Variants in BAG3 observed in about 807,000 individuals in gnomAD.
BAG3 encodes BAG cochaperone 3, also known as BAG family molecular chaperone regulator 3.
Under a neutral mutation model 40.5 loss-of-function variants are expected in BAG3, and 14 were observed. That is an observed-to-expected ratio of 0.35 (90% CI 0.23 to 0.54). The LOEUF (loss-of-function observed/expected upper bound fraction) is 0.54. Ranked by LOEUF, BAG3 falls within the 20% of genes least tolerant of loss-of-function variation. BAG3 has a pLI of 0.91. For synonymous variants in BAG3, 302 were observed against 307.8 expected (o/e 0.98, Z 0.20); for missense variants, 788 against 758.6 (o/e 1.04, Z -0.46).
At chr10:119,659,416 G>A (rs756941212) in intron 1 of BAG3, among the ~76,000 whole-genome samples, 4 of 152,174 alleles carry the variant, frequency 2.6e-5, no homozygotes, top group Non-Finnish European at 5.9e-5. Context: ...CTGAGGGGCC[G>A]ATTACCTGCA....
At chr10:119,662,825 C>T (rs1225583878) in intron 1 of BAG3, among the ~76,000 whole-genome samples, 1 of 152,072 alleles carries the variant, frequency 6.6e-6, no homozygotes, top group Non-Finnish European at 1.5e-5. Flanking sequence ...CCATCCTGGC[C>T]AATATAGTGA....
intron 1 of BAG3, among the ~76,000 whole-genome samples, chr10:119,652,388 T>C (rs1846855466): frequency 6.6e-6 from 1 of 152,258 alleles, no homozygotes; most frequent in Non-Finnish European, 1.5e-5. Flanking sequence ...GTATCTTGGC[T>C]ACTGTCCCAT....
Position 119,651,395 on chromosome 10 carries a change from C to T in BAG3, c.-281C>T. ...GCGGAGCTCCGCATCCAACCCCGGG[C>T]CGCGGCCAACTTCTCTGGACTGGAC... On this transcript the variant is annotated 5_prime_UTR_variant, in exon 1 of 4. Transcript: ENST00000369085. The T allele has an allele frequency of 3.0e-6, 1 of 332,094 alleles. No individual in the cohort carries two copies. The highest frequency in any genetic ancestry group is 5.4e-6 in the Non-Finnish European group (1 of 184,812). The allele number at this position is 332,094 out of a possible 1,614,324, so 20.6% of individuals were successfully genotyped here.
intron 1 of BAG3, among the ~76,000 whole-genome samples, chr10:119,653,149 G>C (rs1191707864): frequency 6.6e-6 from 1 of 152,202 alleles, no homozygotes; most frequent in Non-Finnish European, 1.5e-5. Context: ...CCGGTGCCCA[G>C]CAGTGAGACC....
chr10:119,664,456 A>G (rs769587519), intron 1 of BAG3, among the ~76,000 whole-genome samples: 1 of 152,170 alleles, frequency 6.6e-6, no homozygotes, highest in Non-Finnish European at 1.5e-5. Context: ...CTTCTTTCCT[A>G]ATTGGATTTT....
Position 119,672,416 on chromosome 10 carries a change from C to T in BAG3, c.669C>T (p.Pro223=), listed in dbSNP as rs747871034. 1 of 1,614,218 alleles carries T rather than the reference C, an allele frequency of 6.2e-7. No individual in the cohort carries two copies. Among genetic ancestry groups the T allele is most frequent in the Non-Finnish European group, 8.5e-7 (1 of 1,180,038 alleles). Residue 223 remains proline (P), a synonymous_variant, in exon 3 of 4, where the codon CCC becomes CCT. Coordinates refer to ENST00000369085, the MANE Select transcript of BAG3 (RefSeq NM_004281.4). The surrounding 1 kb of genome is among the most constrained non-coding windows in gnomAD (Gnocchi z 4.8). ...ACGTTACCCGGCCAGCAGCCCAGCC[C>T]TCCTTCCACCAAGCCCAGAAGACGC... ...EQNVTRPAAQ[P]SFHQAQKTHY...
At chr10:119,659,599 G>A (rs780548060) in intron 1 of BAG3, among the ~76,000 whole-genome samples, 12 of 152,206 alleles carry the variant, frequency 7.9e-5, no homozygotes, top group East Asian at 3.9e-4. Context: ...GGGTCTCACC[G>A]TCCATCAGAG....
chr10:119,664,979 T>TAA (rs1847038562), intron 1 of BAG3, among the ~76,000 whole-genome samples: 1 of 151,800 alleles, frequency 6.6e-6, no homozygotes, highest in Non-Finnish European at 1.5e-5. Flanking sequence ...AGTGCAATGG[T>TAA]GTGATCTTAG....
At position 119,672,256 on chromosome 10, in the gene BAG3, G is replaced by C. The variant is rs140904592; in HGVS notation, c.509G>C (p.Arg170Pro). 1 of 1,612,812 alleles carries C rather than the reference G, an allele frequency of 6.2e-7. No homozygotes were observed. The highest frequency in any genetic ancestry group is 1.3e-5 in the African/African-American group (1 of 74,910). Reference sequence around the variant, plus strand: ...CCCTCTACCCTGTGTCTCTTGCAGCGGTCCCAGTCTCCAGCTGCCTCTGAC... The same window carrying C: ...CCCTCTACCCTGTGTCTCTTGCAGCCGTCCCAGTCTCCAGCTGCCTCTGAC... ...AQPPASHGPE[R>P]SQSPAASDCS... is the part of the protein sequence containing the mutation. The change falls in exon 3 of 4, where the codon CGG becomes CCG. Residue 170 changes from arginine to proline, a missense_variant and splice_region_variant. By Grantham distance (103) the Arg-to-Pro change is moderately radical. Coordinates refer to ENST00000369085, the MANE Select transcript of BAG3 (RefSeq NM_004281.4). This position sits in a 1 kb window ranked among gnomAD's most constrained non-coding sequence, Gnocchi z 4.8.
At chr10:119,676,057 C>G (rs984431264) in intron 3 of BAG3, among the ~76,000 whole-genome samples, 1 of 149,514 alleles carries the variant, frequency 6.7e-6, no homozygotes, top group Non-Finnish European at 1.5e-5. Flanking sequence ...TTCTGAGTAG[C>G]TGGGACTACG....
Position 119,672,619 on chromosome 10 carries a change from C to T in BAG3, c.872C>T (p.Ser291Leu), listed in dbSNP as rs368866313. ...ARSSTPLHSP[S>L]PIRVHTVVDR... ...AGCAGCACGCCACTCCACTCCCCCT[C>T]GCCCATCCGTGTGCACACCGTGGTC... Residue 291 changes from serine to leucine, a missense_variant, in exon 3 of 4, where the codon TCG becomes TTG. Transcript: ENST00000369085. This position sits in a 1 kb window ranked among gnomAD's most constrained non-coding sequence, Gnocchi z 4.8. 153 of 1,614,060 alleles carry T rather than the reference C, an allele frequency of 9.5e-5. 1 individual carries two copies. Among genetic ancestry groups the T allele is most frequent in the South Asian group, 2.9e-4 (26 of 91,088 alleles).
chr10:119,655,655 T>C (rs2134053239), intron 1 of BAG3, among the ~76,000 whole-genome samples: 1 of 152,248 alleles, frequency 6.6e-6, no homozygotes, highest in Non-Finnish European at 1.5e-5. Context: ...AAGTTGCAGT[T>C]GTGGCTGAGC....
rs1564772408 is a variant in BAG3 at position 119,666,598 on chromosome 10, C to CAAGATGCACGAGGTGCTCAGT, written c.181-3253_181-3252insAAGATGCACGAGGTGCTCAGT. Among the ~76,000 whole-genome samples, 4 of 152,372 alleles carry CAAGATGCACGAGGTGCTCAGT rather than the reference C, an allele frequency of 2.6e-5. No homozygotes were observed. In the South Asian group the frequency reaches 6.2e-4, roughly 24 times the overall value. ...TCAGCGAGATGCACGAGGTGCTCAG[C>CAAGATGCACGAGGTGCTCAGT]GAGATGCATGAGGTGCTCAGCTCGT... On this transcript the variant is annotated intron_variant, in intron 1 of 3. Transcript: ENST00000369085.
intron 1 of BAG3, among the ~76,000 whole-genome samples, chr10:119,668,340 A>G (rs1322877085): frequency 6.6e-6 from 1 of 152,246 alleles, no homozygotes; most frequent in Non-Finnish European, 1.5e-5. Context: ...AGCCCTCAGT[A>G]TCTGTCCTTA....
chr10:119,665,722 T>C (rs1192217131), intron 1 of BAG3, among the ~76,000 whole-genome samples: 4 of 152,236 alleles, frequency 2.6e-5, no homozygotes, highest in South Asian at 4.1e-4. Context: ...ATTGGAATTA[T>C]TCATTCATGT....
chr10:119,676,672 G>A lies in BAG3; in HGVS notation c.1118G>A (p.Cys373Tyr), dbSNP rs876657745. The change falls in exon 4 of 4, where the codon TGT becomes TAT. Residue 373 changes from cysteine to tyrosine, a missense_variant. Cys to Tyr is a radical substitution (Grantham distance 194). Coordinates refer to ENST00000369085, the MANE Select transcript of BAG3 (RefSeq NM_004281.4). ...AAAGTTCCCCCTGCTCCAGTTCCTT[G>A]TCCTCCTCCCAGCCCTGGCCCTTCT... ...EVKVPPAPVP[C>Y]PPPSPGPSAV... The A allele has an allele frequency of 6.8e-6, 11 of 1,614,004 alleles. No individual in the cohort carries two copies. Among genetic ancestry groups the A allele is most frequent in the Non-Finnish European group, 9.3e-6 (11 of 1,180,024 alleles).
In BAG3 at chr10:119,677,098, T is replaced by A; in HGVS notation, c.1544T>A (p.Leu515His). ...VQVYELQPSN[L>H]EADQPLQAIM... is the part of the protein sequence containing the mutation. ...GTCTATGAACTCCAGCCCAGCAACC[T>A]TGAAGCAGATCAGCCACTGCAGGCA... The change falls in exon 4 of 4, where the codon CTT becomes CAT. Residue 515 changes from leucine to histidine, a missense_variant. Coordinates refer to ENST00000369085, the MANE Select transcript of BAG3 (RefSeq NM_004281.4). The A allele has an allele frequency of 6.2e-7, 1 of 1,614,136 alleles. No homozygotes were observed. The highest frequency in any genetic ancestry group is 8.5e-7 in the Non-Finnish European group (1 of 1,180,022).
chr10:119,654,960 G>A (rs532231621), intron 1 of BAG3, among the ~76,000 whole-genome samples: 5 of 152,290 alleles, frequency 3.3e-5, no homozygotes, highest in East Asian at 1.9e-4. Context: ...GTGTCTCATC[G>A]CCTCCCTGCC....
At chr10:119,674,735 G>A (rs1292262058) in intron 3 of BAG3, among the ~76,000 whole-genome samples, 1 of 152,056 alleles carries the variant, frequency 6.6e-6, no homozygotes, top group Non-Finnish European at 1.5e-5. Flanking sequence ...TTGGGAGGCC[G>A]AGGCGGGGGT....
Sources: allele counts gnomAD v4.1 joint callset (sites outside exome capture counted in the v4.1 genomes callset), GRCh38; gene constraint gnomAD v4.1.1; non-coding constraint Gnocchi (gnomAD v3.1); transcripts MANE v1.5; gene names NCBI Gene and HGNC (gene_info 2026-07-23, HGNC 2026-07-21).